Variants in LMTK2 observed in about 807,000 individuals in gnomAD.
LMTK2 encodes serine/threonine-protein kinase LMTK2.
A neutral mutation model predicts 127.5 loss-of-function variants in LMTK2; 37 were observed. The observed-to-expected ratio is 0.29, with a 90% CI of 0.22 to 0.38. LMTK2 has a LOEUF of 0.38. LMTK2 is among the 10% of genes least tolerant of loss of function. LMTK2 has a pLI of 1.00. For synonymous variants in LMTK2, 819 were observed against 810.1 expected, an observed-to-expected ratio of 1.01 and a Z score of -0.19; for missense variants, 1,694 against 1,920.3, an observed-to-expected ratio of 0.88 and a Z score of 2.20.
chr7:98,141,069 C>CAAAATAAAAAAA (rs1796691403), intron 2 of LMTK2, among the ~76,000 whole-genome samples: 1 of 104,486 alleles, frequency 9.6e-6, no homozygotes, highest in Non-Finnish European at 1.8e-5. Flanking sequence ...AACCTTGTCT[C>CAAAATAAAAAAA]AAAAAAAAAA....
At chr7:98,151,509 G>T (rs1257535469) in intron 4 of LMTK2, 54 bp downstream of exon 4, 10 of 1,370,862 alleles carry the variant, frequency 7.3e-6, no homozygotes, top group African/African-American at 1.4e-5. Flanking sequence ...TGTGTTCAGT[G>T]CAGGGCTGAT....
At chr7:98,170,836 G>A (rs117689785) in intron 6 of LMTK2, among the ~76,000 whole-genome samples, 1,850 of 152,202 alleles carry the variant, frequency 0.012, 17 homozygotes, top group Admixed American at 0.02. Flanking sequence ...CTTGGAGGAG[G>A]CCTGGGGAGC....
chr7:98,138,277 T>C (rs572660601), intron 2 of LMTK2, among the ~76,000 whole-genome samples: 4 of 152,204 alleles, frequency 2.6e-5, no homozygotes, highest in East Asian at 3.9e-4. Flanking sequence ...GTGGTTCAAA[T>C]TGAGGGAAAA....
intron 6 of LMTK2, among the ~76,000 whole-genome samples, chr7:98,169,878 C>T (rs986623411): frequency 6.6e-5 from 10 of 152,132 alleles, no homozygotes; most frequent in Admixed American, 5.9e-4. Flanking sequence ...GAGAAGGCAC[C>T]ACGTTTGGAA....
intron 9 of LMTK2, among the ~76,000 whole-genome samples, 176 bp downstream of exon 9, chr7:98,187,174 A>G (rs1001812622): frequency 6.6e-6 from 1 of 152,236 alleles, no homozygotes; most frequent in Non-Finnish European, 1.5e-5. Context: ...AATTGTGGTG[A>G]TGGAGTTAAC....
intron 5 of LMTK2, among the ~76,000 whole-genome samples, chr7:98,158,375 C>T (rs372247446): frequency 6.6e-5 from 10 of 152,196 alleles, no homozygotes; most frequent in East Asian, 5.8e-4. Flanking sequence ...CCTGCGCTCA[C>T]GCAATACTCC....
chr7:98,174,461 C>T (rs553093781), intron 7 of LMTK2, among the ~76,000 whole-genome samples: 109 of 152,316 alleles, frequency 7.2e-4, no homozygotes, highest in African/African-American at 9.4e-4. Flanking sequence ...AAACAGCAGG[C>T]GCTGCCAGCT....
At chr7:98,169,851 T>C (rs1028369492) in intron 6 of LMTK2, among the ~76,000 whole-genome samples, 10 of 152,110 alleles carry the variant, frequency 6.6e-5, no homozygotes, top group Non-Finnish European at 1.5e-4. Flanking sequence ...TGGCTTCTAA[T>C]TTCGTTGGAA....
intron 6 of LMTK2, among the ~76,000 whole-genome samples, chr7:98,163,477 G>A (rs908587706): frequency 3.9e-5 from 6 of 152,150 alleles, no homozygotes; most frequent in African/African-American, 1.4e-4. Flanking sequence ...GTCCAGCAGT[G>A]GGAGGTCACA....
chr7:98,129,432 C>T (rs1013694508), intron 1 of LMTK2, among the ~76,000 whole-genome samples: 1 of 151,814 alleles, frequency 6.6e-6, no homozygotes, highest in African/African-American at 2.4e-5. Flanking sequence ...GGCTGGAGTG[C>T]AGTGGTGTGA....
Position 98,206,032 on chromosome 7 carries a change from G to C in LMTK2, c.*540G>C. ...TTGTACAGGATCTTCAGTTATTCGAGGGGAATGAGGCAGGTCAAGCCGATG... is the reference window on the plus strand; with the variant it reads ...TTGTACAGGATCTTCAGTTATTCGACGGGAATGAGGCAGGTCAAGCCGATG... On this transcript the variant is annotated 3_prime_UTR_variant, in exon 14 of 14. Coordinates refer to ENST00000297293, the MANE Select transcript of LMTK2 (RefSeq NM_014916.4). The C allele has an allele frequency of 6.5e-6, 1 of 154,912 alleles. No individual in the cohort carries two copies. The allele number at this position is 154,912 out of a possible 1,614,324, so 9.6% of individuals were successfully genotyped here. A position where few individuals can be genotyped will look rare whatever the true frequency, so the allele number is the denominator to read the frequency against.
At position 98,191,914 on chromosome 7, in the gene LMTK2, C is replaced by T. The variant is rs374160193; in HGVS notation, c.1449C>T (p.His483=). 1.5e-5 allele frequency: 24 copies of T among 1,614,056 alleles called. No homozygotes were observed. Among genetic ancestry groups the T allele is most frequent in the Middle Eastern group, 1.6e-4 (1 of 6,084 alleles). ...SFEYVWEAAK[H]DHFDERSRGH... is the part of the protein sequence containing the mutation. ...AGTATGTCTGGGAGGCCGCTAAGCA[C>T]GACCACTTTGACGAGCGCAGCCGGG... Residue 483 remains histidine (H), a synonymous_variant, in exon 11 of 14, where the codon CAC becomes CAT. Transcript: ENST00000297293.
At chr7:98,178,213 C>T (rs1270509397) in intron 7 of LMTK2, among the ~76,000 whole-genome samples, 3 of 152,166 alleles carry the variant, frequency 2.0e-5, no homozygotes, top group African/African-American at 7.2e-5. Context: ...TGTCTGTGAA[C>T]TCTTCTTATC....
chr7:98,194,133 G>A lies in LMTK2; in HGVS notation c.3668G>A (p.Cys1223Tyr). 1 of 1,614,064 alleles carries A rather than the reference G, an allele frequency of 6.2e-7. No homozygotes were observed. The highest frequency in any genetic ancestry group is 8.5e-7 in the Non-Finnish European group (1 of 1,180,028). ...DDFETQDDRP[C>Y]TLASTGTNTN... Reference sequence around the variant, plus strand: ...TTCGAGACACAGGACGATCGCCCCTGCACCCTCGCTTCCACGGGGACCAAC... The same window carrying A: ...TTCGAGACACAGGACGATCGCCCCTACACCCTCGCTTCCACGGGGACCAAC... Residue 1223 changes from cysteine (C) to tyrosine (Y), a missense_variant, in exon 11 of 14, where the codon TGC (cysteine) becomes TAC (tyrosine). By Grantham distance (194) the Cys-to-Tyr change is radical (BLOSUM62 -2). Around this residue, in one of 8 missense-constraint regions of LMTK2, gnomAD observed 554 missense variants for 567.7 expected, o/e 0.98. Coordinates refer to ENST00000297293, the MANE Select transcript of LMTK2 (RefSeq NM_014916.4). The surrounding 1 kb of genome is among the most constrained non-coding windows in gnomAD (Gnocchi z 5.4).
At chr7:98,159,699 C>T (rs1796983784) in intron 6 of LMTK2, among the ~76,000 whole-genome samples, 1 of 152,168 alleles carries the variant, frequency 6.6e-6, no homozygotes, top group Non-Finnish European at 1.5e-5. Flanking sequence ...CAATATTTGT[C>T]CATACTTTCC....
Position 98,107,078 on chromosome 7 carries a change from C to T in LMTK2, c.-100C>T. On this transcript the variant is annotated 5_prime_UTR_variant, in exon 1 of 14. Coordinates refer to ENST00000297293, the MANE Select transcript of LMTK2 (RefSeq NM_014916.4). ...GCTCGGGAGCAACCGGCGCGGGTGCCACTGAGGCAGCGGAGGGAGGCAGGA... is the reference window on the plus strand; with the variant it reads ...GCTCGGGAGCAACCGGCGCGGGTGCTACTGAGGCAGCGGAGGGAGGCAGGA... The T allele has an allele frequency of 1.1e-6, 1 of 916,330 alleles. No individual in the cohort carries two copies. Among genetic ancestry groups the T allele is most frequent in the Non-Finnish European group, 1.5e-6 (1 of 665,958 alleles). 56.8% of individuals were successfully genotyped at this position (916,330 alleles called of 1,614,324 possible). A position where few individuals can be genotyped will look rare whatever the true frequency, so the allele number is the denominator to read the frequency against.
Position 98,192,189 on chromosome 7 carries a change from A to G in LMTK2, c.1724A>G (p.Asp575Gly). 1 of 1,524,298 alleles carries G rather than the reference A, an allele frequency of 6.6e-7. No homozygotes were observed. The highest frequency in any genetic ancestry group is 8.8e-7 in the Non-Finnish European group (1 of 1,139,300). 94.4% of individuals were successfully genotyped at this position (1,524,298 alleles called of 1,614,324 possible). Residue 575 changes from aspartate (D) to glycine (G), a missense_variant, in exon 11 of 14, where the codon GAC becomes GGC. Asp to Gly is a moderately conservative substitution (Grantham distance 94). This residue lies in a region of LMTK2 where 527 missense variants were observed against 539.8 expected (regional missense o/e 0.98). Coordinates refer to ENST00000297293, the MANE Select transcript of LMTK2 (RefSeq NM_014916.4). ...TACCCACCAGCGCTGCTCACAACCG[A>G]CATGGATAATCCAGAAAGGACTGGC... ...LDYPPALLTT[D>G]MDNPERTGPE... is the part of the protein sequence containing the mutation.
At chr7:98,141,823 G>A (rs766428349) in intron 3 of LMTK2, among the ~76,000 whole-genome samples, 3 of 152,226 alleles carry the variant, frequency 2.0e-5, no homozygotes, top group African/African-American at 4.8e-5. Context: ...CTGTTCTGGA[G>A]GTGGTTTCTC....
intron 1 of LMTK2, among the ~76,000 whole-genome samples, chr7:98,113,436 G>A (rs986429610): frequency 4.6e-5 from 7 of 152,014 alleles, no homozygotes; most frequent in Non-Finnish European, 1.0e-4. Flanking sequence ...CTGTAAGAAT[G>A]GACTAATACA....
Sources: allele counts gnomAD v4.1 joint callset (sites outside exome capture counted in the v4.1 genomes callset), GRCh38; gene constraint gnomAD v4.1.1; regional missense constraint gnomAD v4.1.1; non-coding constraint Gnocchi (gnomAD v3.1); transcripts MANE v1.5; gene names NCBI Gene and HGNC (gene_info 2026-07-23, HGNC 2026-07-21).